The following RASA3 variants were observed in gnomAD, a reference collection of about 807,000 sequenced individuals.
RASA3 encodes RAS p21 protein activator 3.
A neutral mutation model predicts 110.0 loss-of-function variants in RASA3; 73 were observed. The ratio of observed to expected loss-of-function variants is 0.66; its 90% CI spans 0.55 to 0.81. The LOEUF is 0.81. RASA3 is among the 30% of genes least tolerant of loss of function. The pLI is 0.00. For synonymous variants in RASA3, 500 were observed against 451.4 expected (o/e 1.11, Z -1.37); for missense variants, 976 against 1,113.2 (o/e 0.88, Z 1.75).
intron 16 of RASA3, among the ~76,000 whole-genome samples, chr13:114,010,678 GA>G (rs2053613977): frequency 2.6e-5 from 1 of 37,968 alleles, no homozygotes; most frequent in Admixed American, 2.9e-4. Context: ...CGTGGGGAGG[GA>G]AGTGGGGAGG....
At chr13:114,078,253 C>T (rs992107417) in intron 1 of RASA3, among the ~76,000 whole-genome samples, 1 of 152,224 alleles carries the variant, frequency 6.6e-6, no homozygotes, top group African/African-American at 2.4e-5. Context: ...CTCCACCGCA[C>T]CCCAAACAGT....
chr13:114,116,887 T>TGA (rs2080284687), intron 1 of RASA3, among the ~76,000 whole-genome samples: 1 of 108,418 alleles, frequency 9.2e-6, no homozygotes, highest in African/African-American at 3.5e-5. Context: ...GTATGAGGGG[T>TGA]GCACGTGTGT....
chr13:114,118,484 C>T (rs1031841508), intron 1 of RASA3, among the ~76,000 whole-genome samples: 3 of 152,244 alleles, frequency 2.0e-5, no homozygotes, highest in Non-Finnish European at 4.4e-5. Context: ...CTCACACTGA[C>T]TCTATCACAT....
chr13:114,112,105 C>CCCG lies in RASA3; in HGVS notation c.55+20329_55+20330insCGG, dbSNP rs1052813638. ...GAAACAGCAGCCCCCAGGCACCCCCCCCAGCAACTGGGACAAGGGCACACC... is the reference window on the plus strand; with the variant it reads ...GAAACAGCAGCCCCCAGGCACCCCCCCCGCCAGCAACTGGGACAAGGGCACACC... On this transcript the variant is annotated intron_variant, in intron 1 of 23. Coordinates refer to ENST00000334062, the MANE Select transcript of RASA3 (RefSeq NM_007368.4). The surrounding 1 kb of genome is among the most constrained non-coding windows in gnomAD (Gnocchi z 4.8). 6.6e-6 allele frequency among the ~76,000 whole-genome samples: 1 copy of CCCG among 151,858 alleles called. No individual in the cohort carries two copies. The highest frequency in any genetic ancestry group is 1.9e-4 in the East Asian group (1 of 5,170).
Position 113,996,561 on chromosome 13 carries a change from T to G in RASA3, c.2111A>C (p.Asp704Ala). 6 of 1,612,838 alleles carry G rather than the reference T, an allele frequency of 3.7e-6. No homozygotes were observed. Among genetic ancestry groups the G allele is most frequent in the Non-Finnish European group, 5.1e-6 (6 of 1,179,974 alleles). ...GHWLCCRAPSDSAPGCSPCTG... is the reference protein window; with the variant it reads ...GHWLCCRAPSASAPGCSPCTG... ...GCAGGGCGAGCAGCCCGGAGCCGAGTCGGATGGCGCCCTACAGCACAGCCA... is the reference window on the plus strand; with the variant it reads ...GCAGGGCGAGCAGCCCGGAGCCGAGGCGGATGGCGCCCTACAGCACAGCCA... Residue 704 changes from aspartate to alanine, a missense_variant, in exon 21 of 24, where the codon GAC (aspartate) becomes GCC (alanine). By Grantham distance (126) the Asp-to-Ala change is moderately radical. Around this residue, in one of 4 missense-constraint regions of RASA3, gnomAD observed 109 missense variants for 162.5 expected, o/e 0.67. Transcript: ENST00000334062.
At chr13:114,041,396 G>C (rs761622787) in intron 3 of RASA3, among the ~76,000 whole-genome samples, 1 of 152,254 alleles carries the variant, frequency 6.6e-6, no homozygotes, top group Admixed American at 6.5e-5. Flanking sequence ...AAAATAATCA[G>C]GTGCAGCGGT....
chr13:114,013,584 C>CCATCTCTA, intron 14 of RASA3, among the ~76,000 whole-genome samples: 1 of 86,094 alleles, frequency 1.2e-5, no homozygotes, highest in Admixed American at 1.1e-4. Flanking sequence ...CTGTCTCTCT[C>CCATCTCTA]TCTCTCTCTC....
At chr13:113,993,320 C>T (rs1370650299) in intron 21 of RASA3, among the ~76,000 whole-genome samples, 1 of 151,976 alleles carries the variant, frequency 6.6e-6, no homozygotes, top group African/African-American at 2.4e-5. Context: ...GGATTATAGG[C>T]ACACACCACC....
chr13:114,031,640 T>TGCGTGCGGCTATGTGTGC (rs1490282877), intron 4 of RASA3, among the ~76,000 whole-genome samples: 2 of 152,208 alleles, frequency 1.3e-5, no homozygotes, highest in African/African-American at 4.8e-5. Context: ...CACCTGTGTG[T>TGCGTGCGGCTATGTGTGC]GTGTGCGGCT....
rs778723918 is a variant in RASA3 at position 114,057,512 on chromosome 13, C to T, written c.174-5357G>A. On this transcript the variant is annotated intron_variant, in intron 2 of 23. Coordinates refer to ENST00000334062, the MANE Select transcript of RASA3 (RefSeq NM_007368.4). The surrounding 1 kb of genome is among the most constrained non-coding windows in gnomAD (Gnocchi z 5.0). ...AGAGGGTTCGTTCAGCTTCTTAGAC[C>T]GATGATTTATTTAGGGAATAAGAAG... 3.9e-5 allele frequency: 38 copies of T among 985,260 alleles called. No individual in the cohort carries two copies. The highest frequency in any genetic ancestry group is 1.0e-4 in the African/African-American group (6 of 57,314). 61.0% of individuals were successfully genotyped at this position (985,260 alleles called of 1,614,324 possible).
In RASA3 at chr13:114,019,376, G is replaced by A. The variant is rs530626516; in HGVS notation, c.786-457C>T. Among the ~76,000 whole-genome samples the A allele has an allele frequency of 8.2e-4, 125 of 152,362 alleles. 2 individuals are homozygous for A. The highest frequency in any genetic ancestry group is 6.8e-3 in the Middle Eastern group (2 of 294). ...TGGGCACCTGGTCATTGTAAGAGAC[G>A]TTTTCTGCCCGGACATTCTTCCATC... is the stretch of plus-strand genomic sequence containing the variant. On this transcript the variant is annotated intron_variant, in intron 9 of 23. Transcript: ENST00000334062.
chr13:114,021,265 C>A (rs932608298), intron 9 of RASA3, 139 bp downstream of exon 9: 5 of 686,478 alleles, frequency 7.3e-6, no homozygotes, highest in Non-Finnish European at 1.2e-5. Context: ...GTCAGAGCTA[C>A]ATGCAAAGTA....
chr13:114,090,597 G>T (rs763473858), intron 1 of RASA3, among the ~76,000 whole-genome samples: 1 of 152,108 alleles, frequency 6.6e-6, no homozygotes, highest in African/African-American at 2.4e-5. Context: ...CGTGAGTCTG[G>T]GTTCACATTG....
rs1352447409 is a variant in RASA3 at position 114,013,737 on chromosome 13, T to G, written c.1406-489A>C. Reference sequence around the variant, plus strand: ...CCCTCTCTCTCTCCGTCCGTCTGTCTCTGGCTCTCTCTCTCTCTCTCCATC... The same window carrying G: ...CCCTCTCTCTCTCCGTCCGTCTGTCGCTGGCTCTCTCTCTCTCTCTCCATC... On this transcript the variant is annotated intron_variant, in intron 14 of 23. Transcript: ENST00000334062. Among the ~76,000 whole-genome samples the G allele has an allele frequency of 3.3e-5, 2 of 61,152 alleles. 1 individual carries two copies. The highest frequency in any genetic ancestry group is 6.0e-5 in the Non-Finnish European group (2 of 33,440). 40.1% of individuals were successfully genotyped at this position (61,152 alleles called of 152,430 possible).
chr13:114,070,932 GCGTC>G, intron 2 of RASA3, among the ~76,000 whole-genome samples: 3 of 116,072 alleles, frequency 2.6e-5, no homozygotes, highest in African/African-American at 3.8e-5. Flanking sequence ...AGGGCTGCCG[GCGTC>G]CACGCTAAAC....
At chr13:114,018,531 C>A (rs1285861137) in intron 10 of RASA3, among the ~76,000 whole-genome samples, 1 of 152,178 alleles carries the variant, frequency 6.6e-6, no homozygotes, top group African/African-American at 2.4e-5. Context: ...CCCCCTCGAA[C>A]AACCCGGAGA....
intron 1 of RASA3, among the ~76,000 whole-genome samples, chr13:114,109,226 T>C (rs2080182779): frequency 6.6e-6 from 1 of 152,164 alleles, no homozygotes; most frequent in Non-Finnish European, 1.5e-5. Context: ...ACGCCTCTGG[T>C]GCCAGGGTCT....
Position 114,000,942 on chromosome 13 carries a change from G to C in RASA3, c.1743-10C>G. The C allele has an allele frequency of 6.3e-7, 1 of 1,585,646 alleles. No homozygotes were observed. ...CCTCTTGATCATGAACCTGTGTGAA[G>C]AGCACACAGGGCCGGGGTCCGGGCC... On this transcript the variant is annotated splice_polypyrimidine_tract_variant and intron_variant, in intron 18 of 23. Coordinates refer to ENST00000334062, the MANE Select transcript of RASA3 (RefSeq NM_007368.4).
At chr13:114,052,687 G>A (rs1339364826) in intron 2 of RASA3, among the ~76,000 whole-genome samples, 795 of 90,586 alleles carry the variant, frequency 8.8e-3, no homozygotes, top group Middle Eastern at 0.032. Flanking sequence ...TGGGGGAGAG[G>A]CCCCCGCTGC....
Sources: gnomAD v4.1 joint callset for allele counts (sites outside exome capture counted in the v4.1 genomes callset) on GRCh38, gnomAD v4.1.1 for gene constraint, gnomAD v4.1.1 regional missense constraint, Gnocchi (gnomAD v3.1) non-coding constraint, MANE v1.5 for transcripts, NCBI Gene and HGNC (gene_info 2026-07-23, HGNC 2026-07-21) for gene names.